The following MGAM2 variants were observed in gnomAD, a reference collection of about 807,000 sequenced individuals.
MGAM2 encodes the protein probable maltase-glucoamylase 2.
A neutral mutation model predicts 96.1 loss-of-function variants in MGAM2; 98 were observed. That is an observed-to-expected ratio of 1.02 (90% CI 0.87 to 1.21). The LOEUF is 1.21. Among genes scored for constraint, MGAM2 ranks in the 50% most tolerant of loss-of-function variants. MGAM2 has a pLI of 0.00. For missense variants in MGAM2, 2,055 were observed against 1,182.4 expected, an observed-to-expected ratio of 1.74 and a Z score of -10.82; for synonymous variants, 749 against 414.8, an observed-to-expected ratio of 1.81 and a Z score of -9.79.
intron 32 of MGAM2, among the ~76,000 whole-genome samples, chr7:142,178,393 G>A (rs1796439223): frequency 6.6e-6 from 1 of 152,002 alleles, no homozygotes; most frequent in East Asian, 1.9e-4. Context: ...TGGTTTCATT[G>A]CAATTGCTTT....
At chr7:142,188,078 A>G (rs1192375883) in intron 36 of MGAM2, among the ~76,000 whole-genome samples, 1 of 151,350 alleles carries the variant, frequency 6.6e-6, no homozygotes, top group Non-Finnish European at 1.5e-5. Context: ...ATAACTATGA[A>G]CAGATTGCTA....
chr7:142,188,593 C>CATTTTCTCCTTCATTA (rs1796775823), intron 36 of MGAM2, among the ~76,000 whole-genome samples: 1 of 152,176 alleles, frequency 6.6e-6, no homozygotes, highest in Non-Finnish European at 1.5e-5. Flanking sequence ...CTCATTCATT[C>CATTTTCTCCTTCATTA]ATTTTCTCCT....
intron 37 of MGAM2, among the ~76,000 whole-genome samples, chr7:142,190,990 C>A (rs1796852267): frequency 6.6e-6 from 1 of 151,944 alleles, no homozygotes; most frequent in Non-Finnish European, 1.5e-5. Flanking sequence ...AACAAACTAG[C>A]CAGGCAGAAT....
At chr7:142,185,400 A>G (rs1249252147) in intron 34 of MGAM2, among the ~76,000 whole-genome samples, 1 of 152,226 alleles carries the variant, frequency 6.6e-6, no homozygotes, top group Non-Finnish European at 1.5e-5. Flanking sequence ...TTTGAACTTT[A>G]TGACGCTTGA....
rs747343651 is a variant in MGAM2 at position 142,197,747 on chromosome 7, G to A, written c.4866+19G>A. On this transcript the variant is annotated intron_variant, in intron 42 of 47. Transcript: ENST00000477922. ...GGAAACTGTGAGTTCTTCATTGTAG[G>A]TCAGAAAACCTTCAATCACATGATC... 297 of 702,770 alleles carry A rather than the reference G, an allele frequency of 4.2e-4. 2 individuals are homozygous for A. Among genetic ancestry groups the A allele is most frequent in the Admixed American group, 5.0e-4 (25 of 49,974 alleles). 43.5% of individuals were successfully genotyped at this position (702,770 alleles called of 1,614,324 possible). A position where few individuals can be genotyped will look rare whatever the true frequency, so the allele number is the denominator to read the frequency against.
chr7:142,184,418 T>C (rs953577200), intron 33 of MGAM2, among the ~76,000 whole-genome samples: 2 of 152,234 alleles, frequency 1.3e-5, no homozygotes, highest in African/African-American at 4.8e-5. Flanking sequence ...GCCTTCAGTA[T>C]AGCATACAGT....
chr7:142,154,313 T>C (rs1795671238), intron 16 of MGAM2, 124 bp downstream of exon 16: 1 of 481,774 alleles, frequency 2.1e-6, no homozygotes, highest in African/African-American at 1.9e-5. Context: ...ATTGGAAAGA[T>C]CAATTTTTAT....
intron 13 of MGAM2, among the ~76,000 whole-genome samples, chr7:142,144,581 T>G (rs1379084752): frequency 6.6e-6 from 1 of 152,206 alleles, no homozygotes; most frequent in African/African-American, 2.4e-5. Context: ...TTTGAAATGG[T>G]ATTTCTGAAT....
At chr7:142,168,254 AG>A (rs1359301577) in intron 26 of MGAM2, among the ~76,000 whole-genome samples, 1 of 151,040 alleles carries the variant, frequency 6.6e-6, no homozygotes. Flanking sequence ...GCCTAGCCTG[AG>A]GATTTGCATT....
chr7:142,218,063 G>A (rs1297131095), intron 46 of MGAM2, among the ~76,000 whole-genome samples: 2 of 152,124 alleles, frequency 1.3e-5, no homozygotes, highest in African/African-American at 4.8e-5. Flanking sequence ...CAGCCTGGGT[G>A]ACAGAGTGAG....
chr7:142,180,541 A>C (rs1380765232), intron 32 of MGAM2, among the ~76,000 whole-genome samples: 2 of 152,150 alleles, frequency 1.3e-5, no homozygotes, highest in African/African-American at 4.8e-5. Flanking sequence ...ATAATATTTC[A>C]TAGGGATTCT....
chr7:142,197,320 A>G (rs1426428530), intron 40 of MGAM2, 80 bp from the exon 41 acceptor site: 1 of 661,126 alleles, frequency 1.5e-6, no homozygotes, highest in East Asian at 2.7e-5. Flanking sequence ...TTTTGAATAA[A>G]TGCCCATTGA....
intron 3 of MGAM2, among the ~76,000 whole-genome samples, chr7:142,123,979 T>A (rs111560504): frequency 2.7e-3 from 267 of 99,784 alleles, no homozygotes; most frequent in Middle Eastern, 5.2e-3. Context: ...TTTTTTTTTT[T>A]TTTTTTTTTT....
chr7:142,132,767 T>TATATA (rs957262703), intron 6 of MGAM2, among the ~76,000 whole-genome samples: 1 of 125,322 alleles, frequency 8.0e-6, no homozygotes, highest in African/African-American at 3.2e-5. Context: ...AATATATAAT[T>TATATA]ATATAATATA....
At chr7:142,198,875 G>A (rs1054658629) in intron 44 of MGAM2, 136 bp downstream of exon 44, 2 of 576,756 alleles carry the variant, frequency 3.5e-6, no homozygotes, top group Non-Finnish European at 6.2e-6. Context: ...GTCAGATCCT[G>A]TGAGTGCTTT....
chr7:142,188,201 C>T (rs1796763924), intron 36 of MGAM2, among the ~76,000 whole-genome samples: 1 of 151,790 alleles, frequency 6.6e-6, no homozygotes, highest in Non-Finnish European at 1.5e-5. Flanking sequence ...TTTCTGAAGT[C>T]TCTCTGCCCA....
chr7:142,190,117 G>A (rs1308414051), intron 37 of MGAM2, among the ~76,000 whole-genome samples: 1 of 151,702 alleles, frequency 6.6e-6, no homozygotes, highest in Non-Finnish European at 1.5e-5. Context: ...TAGTGATTAT[G>A]TGAATATTTA....
At chr7:142,196,357 C>T (rs2129099889) in intron 38 of MGAM2, 70 bp downstream of exon 38, 1 of 661,000 alleles carries the variant, frequency 1.5e-6, no homozygotes. Context: ...TTCAACAGCA[C>T]TGGTTATGTC....
chr7:142,204,015 C>T (rs958864274), intron 45 of MGAM2, among the ~76,000 whole-genome samples: 7 of 152,030 alleles, frequency 4.6e-5, no homozygotes, highest in African/African-American at 1.7e-4. Context: ...GGAATTTTGA[C>T]TGTAATTGCT....
Sources: gnomAD v4.1 joint callset for allele counts (sites outside exome capture counted in the v4.1 genomes callset) on GRCh38, gnomAD v4.1.1 for gene constraint, MANE v1.5 for transcripts, NCBI Gene and HGNC (gene_info 2026-07-23, HGNC 2026-07-21) for gene names.